Variants in KIF6 observed in about 807,000 individuals in gnomAD.
KIF6 encodes the protein kinesin-like protein KIF6.
In KIF6, 106 loss-of-function variants were observed where a neutral mutation model predicts 112.7. That is an observed-to-expected ratio of 0.94 (90% CI 0.80 to 1.11). The LOEUF is 1.11. KIF6 is among the 50% of genes least tolerant of loss of function. KIF6 has a pLI of 0.00. For synonymous variants in KIF6, 339 were observed against 339.9 expected (o/e 1.00, Z 0.03); for missense variants, 929 against 964.0 (o/e 0.96, Z 0.48).
chr6:39,447,724 T>A (rs1440716435), intron 13 of KIF6, among the ~76,000 whole-genome samples: 1 of 152,152 alleles, frequency 6.6e-6, no homozygotes, highest in Non-Finnish European at 1.5e-5. Flanking sequence ...ATTTCTTTGG[T>A]CCCTTTTCTT....
rs768429093 is a variant in KIF6 at position 39,385,675 on chromosome 6, G to T, written c.1811-3C>A. On this transcript the variant is annotated splice_polypyrimidine_tract_variant and splice_region_variant and intron_variant, in intron 15 of 22. Transcript: ENST00000287152. Reference sequence around the variant, plus strand: ...GGTGATTTCTTCCTTCAGGTGACCTGCCAAAGACACAAAAGAAAACTACCA... The same window carrying T: ...GGTGATTTCTTCCTTCAGGTGACCTTCCAAAGACACAAAAGAAAACTACCA... The T allele has an allele frequency of 6.2e-7, 1 of 1,610,934 alleles. No homozygotes were observed. Among genetic ancestry groups the T allele is most frequent in the Non-Finnish European group, 8.5e-7 (1 of 1,178,136 alleles).
Position 39,346,243 on chromosome 6 carries a change from G to A in KIF6, c.2231+233C>T, listed in dbSNP as rs547481768. The A allele has an allele frequency of 7.7e-6, 5 of 649,472 alleles. 1 individual carries two copies. Among genetic ancestry groups the A allele is most frequent in the South Asian group, 6.6e-5 (4 of 60,170 alleles). The allele number at this position is 649,472 out of a possible 1,614,324, so 40.2% of individuals were successfully genotyped here. A position where few individuals can be genotyped will look rare whatever the true frequency, so the allele number is the denominator to read the frequency against. ...GCCCTCAGCAGGAACTAAATCTGCTGTGCTACGGACTGGAGGTTTGTGTCC... is the reference window on the plus strand; with the variant it reads ...GCCCTCAGCAGGAACTAAATCTGCTATGCTACGGACTGGAGGTTTGTGTCC... On this transcript the variant is annotated intron_variant, in intron 20 of 22. Transcript: ENST00000287152.
At chr6:39,571,314 T>C (rs1349303449) in intron 10 of KIF6, among the ~76,000 whole-genome samples, 1 of 152,166 alleles carries the variant, frequency 6.6e-6, no homozygotes, top group Non-Finnish European at 1.5e-5. Context: ...CCAAACTGAT[T>C]ATAATGTTTT....
At chr6:39,518,923 G>A (rs897289994) in intron 13 of KIF6, among the ~76,000 whole-genome samples, 1 of 152,222 alleles carries the variant, frequency 6.6e-6, no homozygotes, top group Non-Finnish European at 1.5e-5. Context: ...AAAACTCAGA[G>A]TAGCCTTGAG....
At chr6:39,458,010 A>G (rs1429131226) in intron 13 of KIF6, among the ~76,000 whole-genome samples, 1 of 151,816 alleles carries the variant, frequency 6.6e-6, no homozygotes, top group African/African-American at 2.4e-5. Flanking sequence ...AATCCTCCCT[A>G]ACTCATTTTA....
At chr6:39,461,199 A>AATAAATCATAGGTCTAT (rs1163783417) in intron 13 of KIF6, among the ~76,000 whole-genome samples, 2 of 152,220 alleles carry the variant, frequency 1.3e-5, no homozygotes, top group Non-Finnish European at 2.9e-5. Flanking sequence ...TAAAGTTAAC[A>AATAAATCATAGGTCTAT]ATAAATCATA....
chr6:39,654,302 C>A (rs1419801683), intron 3 of KIF6, among the ~76,000 whole-genome samples: 1 of 152,126 alleles, frequency 6.6e-6, no homozygotes, highest in Non-Finnish European at 1.5e-5. Flanking sequence ...GCCTCCACCC[C>A]CACAAACAGA....
At chr6:39,544,360 A>T (rs1397557689) in intron 12 of KIF6, 195 bp downstream of exon 12, 4 of 443,984 alleles carry the variant, frequency 9.0e-6, no homozygotes, top group Non-Finnish European at 7.7e-6. Context: ...AAACAAACAC[A>T]TTTTTTTCTT....
intron 13 of KIF6, among the ~76,000 whole-genome samples, chr6:39,533,045 T>C (rs1377440408): frequency 2.0e-5 from 3 of 152,160 alleles, no homozygotes; most frequent in Non-Finnish European, 4.4e-5. Flanking sequence ...GATGGCTGAA[T>C]AGGAATAGCT....
At chr6:39,576,217 C>T (rs560898814) in intron 10 of KIF6, among the ~76,000 whole-genome samples, 29 of 152,058 alleles carry the variant, frequency 1.9e-4, no homozygotes, top group South Asian at 6.2e-4. Context: ...CTCTGCCTCC[C>T]GGGTTCAAGC....
chr6:39,429,221 T>G lies in KIF6; in HGVS notation c.1754+1832A>C, dbSNP rs11961742. ...GGTTTGCTTTTCCGTTTGCCTTTCT[T>G]TTTCCTTCTTCCGGGTCTACCTTCT... On this transcript the variant is annotated intron_variant, in intron 14 of 22. Coordinates refer to ENST00000287152, the MANE Select transcript of KIF6 (RefSeq NM_145027.6). 2.2e-3 allele frequency among the ~76,000 whole-genome samples: 333 copies of G among 152,290 alleles called. 2 individuals are homozygous for G. The highest frequency in any genetic ancestry group is 7.4e-3 in the African/African-American group (309 of 41,576).
At position 39,513,922 on chromosome 6, in the gene KIF6, T is replaced by C. The variant is rs143682656; in HGVS notation, c.1645+26081A>G. Among the ~76,000 whole-genome samples the C allele has an allele frequency of 1.1e-4, 17 of 152,254 alleles. 1 individual carries two copies. The East Asian group carries it at 3.3e-3, about 29-fold the overall frequency. ...TCTATCCTCTCTATGGAAAATAATA[T>C]TACAAAAAAAGTTTTTACATAAAGT... is the stretch of plus-strand genomic sequence containing the variant. On this transcript the variant is annotated intron_variant, in intron 13 of 22. Transcript: ENST00000287152.
chr6:39,548,068 T>A (rs1405707639), intron 10 of KIF6, among the ~76,000 whole-genome samples: 2 of 152,246 alleles, frequency 1.3e-5, no homozygotes, highest in Non-Finnish European at 2.9e-5. Flanking sequence ...CACTTTGTGA[T>A]TTCCAGAGTC....
At chr6:39,390,453 T>C (rs1200131680) in intron 15 of KIF6, among the ~76,000 whole-genome samples, 2 of 152,112 alleles carry the variant, frequency 1.3e-5, no homozygotes, top group African/African-American at 2.4e-5. Context: ...GGTGTTAAGG[T>C]GCGCTTGGGA....
chr6:39,345,923 A>C (rs760548544), intron 20 of KIF6, 134 bp from the exon 21 acceptor site: 11 of 646,516 alleles, frequency 1.7e-5, no homozygotes, highest in Non-Finnish European at 2.7e-5. Context: ...CCTAATTCCC[A>C]GTGTGATGGC....
intron 14 of KIF6, among the ~76,000 whole-genome samples, chr6:39,422,050 CTCCTCCCATT>C (rs1199972879): frequency 1.3e-5 from 2 of 152,206 alleles, no homozygotes; most frequent in Non-Finnish European, 2.9e-5. Flanking sequence ...CAACGAGTGA[CTCCTCCCATT>C]TCCTGTTCCA....
chr6:39,450,557 C>A (rs1772627042), intron 13 of KIF6, among the ~76,000 whole-genome samples: 1 of 152,184 alleles, frequency 6.6e-6, no homozygotes, highest in African/African-American at 2.4e-5. Flanking sequence ...ATAATCCCAG[C>A]ACTTTGGGAG....
intron 5 of KIF6, among the ~76,000 whole-genome samples, chr6:39,629,599 A>T (rs982394099): frequency 1.3e-5 from 2 of 152,008 alleles, no homozygotes; most frequent in African/African-American, 4.8e-5. Context: ...TCTTTATCAG[A>T]TATGTATTTG....
chr6:39,632,710 T>C (rs779102670), intron 5 of KIF6, among the ~76,000 whole-genome samples: 6 of 151,992 alleles, frequency 3.9e-5, no homozygotes, highest in Non-Finnish European at 8.8e-5. Context: ...TCCACACCTC[T>C]GCCTCCCGGG....
Sources: allele counts gnomAD v4.1 joint callset (sites outside exome capture counted in the v4.1 genomes callset), GRCh38; gene constraint gnomAD v4.1.1; transcripts MANE v1.5; gene names NCBI Gene and HGNC (gene_info 2026-07-23, HGNC 2026-07-21).